Variants in CHST10 observed in about 807,000 individuals in gnomAD.
CHST10 encodes HNK-1 sulfotransferase.
Under a neutral mutation model 34.7 loss-of-function variants are expected in CHST10, and 24 were observed. The ratio of observed to expected loss-of-function variants is 0.69; its 90% CI spans 0.50 to 0.97. The LOEUF is 0.97. Among genes scored for constraint, CHST10 ranks in the 50% least tolerant of loss-of-function variants. CHST10 has a pLI of 0.00. For missense variants in CHST10, 402 were observed against 452.1 expected (o/e 0.89, Z 1.00); for synonymous variants, 161 against 169.3 (o/e 0.95, Z 0.38).
intron 1 of CHST10, 178 bp downstream of exon 1, chr2:100,417,196 C>G (rs539125016): frequency 4.5e-5 from 24 of 537,468 alleles, no homozygotes; most frequent in Middle Eastern, 6.9e-4. Context: ...ATAATTAACG[C>G]GAGGAAGGCT....
At chr2:100,407,502 G>A (rs1675632251) in intron 2 of CHST10, among the ~76,000 whole-genome samples, 1 of 152,186 alleles carries the variant, frequency 6.6e-6, no homozygotes, top group South Asian at 2.1e-4. Context: ...AAGACCCTGG[G>A]CTGAGCTGGC....
intron 2 of CHST10, chr2:100,408,622 T>C (rs1675686323): frequency 6.6e-6 from 1 of 152,036 alleles, no homozygotes; most frequent in Non-Finnish European, 1.5e-5. Flanking sequence ...TCTACACCTT[T>C]CTCAGTGTGG....
chr2:100,417,074 C>T, intron 1 of CHST10: 2 of 1,302,852 alleles, frequency 1.5e-6, no homozygotes, highest in South Asian at 2.5e-5. Context: ...TCTCCATCTA[C>T]AATTACAAAC....
chr2:100,397,723 G>A (rs1321252629), intron 5 of CHST10, among the ~76,000 whole-genome samples, 185 bp downstream of exon 5: 1 of 152,122 alleles, frequency 6.6e-6, no homozygotes, highest in Non-Finnish European at 1.5e-5. Flanking sequence ...GTGTCTAAAC[G>A]AGCCCCACTA....
Position 100,398,205 on chromosome 2 carries a change from C to G in CHST10, c.193-63G>C, listed in dbSNP as rs1675165412. The G allele has an allele frequency of 4.2e-6, 5 of 1,179,018 alleles. No individual in the cohort carries two copies. In the East Asian group the frequency reaches 9.4e-5, roughly 22 times the overall value. The allele number at this position is 1,179,018 out of a possible 1,614,324, so 73.0% of individuals were successfully genotyped here. Reference sequence around the variant, plus strand: ...TTAAAGGAGGCAGGACCGGGCCAAGCAGAGCCGCTCCTGCTGGTCTATCCC... The same window carrying G: ...TTAAAGGAGGCAGGACCGGGCCAAGGAGAGCCGCTCCTGCTGGTCTATCCC... On this transcript the variant is annotated intron_variant, in intron 4 of 6. Coordinates refer to ENST00000264249, the MANE Select transcript of CHST10 (RefSeq NM_004854.5).
intron 2 of CHST10, among the ~76,000 whole-genome samples, chr2:100,409,274 C>T (rs892548199): frequency 7.2e-5 from 11 of 152,086 alleles, no homozygotes; most frequent in African/African-American, 1.2e-4. Context: ...AATATGATTT[C>T]GCCCACTGAG....
chr2:100,406,676 GT>G lies in CHST10; in HGVS notation c.-2del. 3 of 1,613,476 alleles carry G rather than the reference GT, an allele frequency of 1.9e-6. No homozygotes were observed. The highest frequency in any genetic ancestry group is 2.5e-6 in the Non-Finnish European group (3 of 1,179,716). On this transcript the variant is annotated 5_prime_UTR_variant, in exon 3 of 7. Coordinates refer to ENST00000264249, the MANE Select transcript of CHST10 (RefSeq NM_004854.5). ...CCAGCAGAAGCCACTGGTGGTGCAT[GT>G]TGTCACACCGCAGCCATTCACTGAC...
intron 1 of CHST10, chr2:100,417,016 G>C: frequency 7.7e-7 from 1 of 1,304,246 alleles, no homozygotes; most frequent in Non-Finnish European, 1.0e-6. Context: ...CTTCTTCCCT[G>C]CCTTCCTCTG....
chr2:100,405,810 C>T (rs56656536), intron 3 of CHST10, among the ~76,000 whole-genome samples: 15,439 of 152,152 alleles, frequency 0.1, 2,135 homozygotes, highest in African/African-American at 0.3. Context: ...CTCGTGCTTG[C>T]CTGCTTGGCC....
Position 100,415,084 on chromosome 2 carries a change from G to C in CHST10, c.-76C>G, listed in dbSNP as rs1201399228. On this transcript the variant is annotated 5_prime_UTR_variant, in exon 2 of 7. Coordinates refer to ENST00000264249, the MANE Select transcript of CHST10 (RefSeq NM_004854.5). ...CACATTTCCTTGCTGTGTTTCCCCT[G>C]AACTGAGGTTCTTGGTTCCTCTTGT... The C allele has an allele frequency of 9.2e-6, 12 of 1,301,876 alleles. No individual in the cohort carries two copies. In the East Asian group the frequency reaches 3.9e-4, roughly 42 times the overall value. 80.6% of individuals were successfully genotyped at this position (1,301,876 alleles called of 1,614,324 possible).
At chr2:100,398,521 T>C (rs1190274047) in intron 4 of CHST10, among the ~76,000 whole-genome samples, 2 of 152,052 alleles carry the variant, frequency 1.3e-5, no homozygotes, top group African/African-American at 4.8e-5. Flanking sequence ...CTGGCCAAGA[T>C]AGTAAAACCC....
chr2:100,414,885 C>T (rs57305094), intron 2 of CHST10, among the ~76,000 whole-genome samples, 156 bp downstream of exon 2: 3,880 of 152,222 alleles, frequency 0.025, 124 homozygotes, highest in African/African-American at 0.07. Flanking sequence ...AGCCTCAGAG[C>T]ATGCTCCTAT....
At chr2:100,413,655 C>T (rs1404278071) in intron 2 of CHST10, among the ~76,000 whole-genome samples, 1 of 152,198 alleles carries the variant, frequency 6.6e-6, no homozygotes, top group African/African-American at 2.4e-5. Flanking sequence ...TCCTTCCTCC[C>T]CTGCATTTTG....
chr2:100,415,765 T>A (rs1470256604), intron 1 of CHST10: 1 of 152,248 alleles, frequency 6.6e-6, no homozygotes, highest in Non-Finnish European at 1.5e-5. Context: ...CACTTAACAA[T>A]AGGGATACCT....
At chr2:100,398,713 G>GA (rs1160638046) in intron 4 of CHST10, among the ~76,000 whole-genome samples, 2 of 152,018 alleles carry the variant, frequency 1.3e-5, no homozygotes, top group Non-Finnish European at 2.9e-5. Flanking sequence ...CGTCTTGGGG[G>GA]AAAAAAGAAA....
intron 4 of CHST10, among the ~76,000 whole-genome samples, chr2:100,398,447 T>C (rs960790059): frequency 3.9e-5 from 6 of 152,172 alleles, no homozygotes; most frequent in Non-Finnish European, 8.8e-5. Context: ...GGCTCATGTC[T>C]GTAATCCCAG....
Position 100,407,199 on chromosome 2 carries a change from C to T in CHST10, c.-32-492G>A, listed in dbSNP as rs575310568. ...ACTGGCTGACAAGATGTAGCCACAC[C>T]TAGAGAAGCTCTAAAAAAGCAAAGG... On this transcript the variant is annotated intron_variant, in intron 2 of 6. Transcript: ENST00000264249. 2.6e-5 allele frequency among the ~76,000 whole-genome samples: 4 copies of T among 152,304 alleles called. No homozygotes were observed. In the East Asian group the frequency reaches 7.8e-4, roughly 30 times the overall value.
rs1252213688 is a variant in CHST10 at position 100,398,073 on chromosome 2, T to G, written c.262A>C (p.Ile88Leu). ...PLVYMERLEL[I>L]RNVCRDDALK... ...GCATCATCCCTGCAGACGTTTCTGA[T>G]GAGTTCCAGGCGCTCCATGTAGACC... The change falls in exon 5 of 7, where the codon ATC becomes CTC. Residue 88 changes from isoleucine (I) to leucine (L), a missense_variant. Physicochemically the swap from Ile to Leu is conservative, Grantham distance 5. Transcript: ENST00000264249. 3 of 1,614,096 alleles carry G rather than the reference T, an allele frequency of 1.9e-6. No individual in the cohort carries two copies. In the African/African-American group the frequency reaches 4.0e-5, roughly 22 times the overall value.
At chr2:100,399,255 C>T (rs1000997777) in intron 4 of CHST10, among the ~76,000 whole-genome samples, 2 of 152,160 alleles carry the variant, frequency 1.3e-5, no homozygotes, top group Admixed American at 1.3e-4. Flanking sequence ...AGGTGCCCAC[C>T]ACCATGCCTG....
Sources: gnomAD v4.1 joint callset for allele counts (sites outside exome capture counted in the v4.1 genomes callset) on GRCh38, gnomAD v4.1.1 for gene constraint, MANE v1.5 for transcripts, NCBI Gene and HGNC (gene_info 2026-07-23, HGNC 2026-07-21) for gene names.